The following ZNF385D variants were observed in gnomAD, a reference collection of about 807,000 sequenced individuals.
ZNF385D encodes zinc finger protein 659.
Under a neutral mutation model 35.8 loss-of-function variants are expected in ZNF385D, and 15 were observed. The observed-to-expected ratio is 0.42, with a 90% confidence interval of 0.28 to 0.64. The LOEUF is 0.64. ZNF385D is among the 30% of genes least tolerant of loss of function. The pLI is 0.23. For synonymous variants in ZNF385D, 212 were observed against 186.8 expected (o/e 1.13, Z -1.10); for missense variants, 474 against 494.6 (o/e 0.96, Z 0.39).
At chr3:22,159,730 C>G (rs1576421384) in intron 3 of ZNF385D, among the ~76,000 whole-genome samples, 2 of 152,016 alleles carry the variant, frequency 1.3e-5, no homozygotes, top group African/African-American at 2.4e-5. Context: ...ACATTTTTAT[C>G]CTTCAATGAT....
rs976827752 is a variant in ZNF385D at position 21,889,693 on chromosome 3, G to A, written c.326-224665C>T. ...GGTTTAGGGGAGAAGGATGAAGTATGTTTCTCTGATGCTACCTTGTGTATG... is the reference window on the plus strand; with the variant it reads ...GGTTTAGGGGAGAAGGATGAAGTATATTTCTCTGATGCTACCTTGTGTATG... On this transcript the variant is annotated intron_variant, in intron 3 of 5. Coordinates refer to the ZNF385D transcript ENST00000494108. Among the ~76,000 whole-genome samples, 5 of 152,276 alleles carry A rather than the reference G, an allele frequency of 3.3e-5. No homozygotes were observed. In the East Asian group the frequency reaches 9.6e-4, roughly 29 times the overall value.
chr3:21,782,894 C>T (rs1483301981), intron 3 of ZNF385D, among the ~76,000 whole-genome samples: 1 of 152,052 alleles, frequency 6.6e-6, no homozygotes, highest in Non-Finnish European at 1.5e-5. Context: ...CTGGTTATAT[C>T]ACATCCTGGA....
At chr3:22,338,601 G>C (rs993879121) in intron 2 of ZNF385D, among the ~76,000 whole-genome samples, 6 of 151,692 alleles carry the variant, frequency 4.0e-5, no homozygotes, top group Non-Finnish European at 7.4e-5. Context: ...TTCATATTTT[G>C]AGAGTTGCTT....
chr3:21,874,072 A>G (rs1697835979), intron 3 of ZNF385D, among the ~76,000 whole-genome samples: 1 of 151,792 alleles, frequency 6.6e-6, no homozygotes, highest in South Asian at 2.1e-4. Context: ...CCTCTATACT[A>G]TTTTTGACAG....
At chr3:22,224,303 T>C (rs1698431264) in intron 2 of ZNF385D, among the ~76,000 whole-genome samples, 1 of 152,202 alleles carries the variant, frequency 6.6e-6, no homozygotes, top group African/African-American at 2.4e-5. Flanking sequence ...GGAGTAGTAG[T>C]GTAATCAACA....
chr3:21,871,769 G>A (rs545482094), intron 3 of ZNF385D, among the ~76,000 whole-genome samples: 7 of 152,220 alleles, frequency 4.6e-5, no homozygotes, highest in Admixed American at 4.6e-4. Flanking sequence ...ACTTTCGGAG[G>A]CTGAGGCAGG....
intron 2 of ZNF385D, among the ~76,000 whole-genome samples, chr3:22,271,802 AGCAC>A (rs550006387): frequency 6.8e-4 from 104 of 152,064 alleles, no homozygotes; most frequent in African/African-American, 2.5e-3. Flanking sequence ...ATAAGTTCTT[AGCAC>A]TTTTCTATCT....
chr3:21,604,393 G>A (rs933649733), intron 2 of ZNF385D, among the ~76,000 whole-genome samples: 2 of 152,160 alleles, frequency 1.3e-5, no homozygotes, highest in African/African-American at 4.8e-5. Context: ...TTGGTTTTTG[G>A]TTTTTAAGCT....
rs1700517917 is a variant in ZNF385D at position 21,413,251 on chromosome 3, A to C, written c.*7963T>G. On this transcript the variant is annotated 3_prime_UTR_variant, in exon 8 of 8. Transcript: ENST00000281523. ...TAAGATTTGACGAGATGTAAAAAGC[A>C]AATTTATTTACCGAACACATGGGCC... The C allele has an allele frequency of 6.6e-6, 1 of 152,086 alleles. No homozygotes were observed. Among genetic ancestry groups the C allele is most frequent in the Non-Finnish European group, 1.5e-5 (1 of 67,982 alleles). The allele number at this position is 152,086 out of a possible 1,614,324, so 9.4% of individuals were successfully genotyped here. A position where few individuals can be genotyped will look rare whatever the true frequency, so the allele number is the denominator to read the frequency against.
chr3:21,624,671 T>G (rs2065088460), intron 2 of ZNF385D, among the ~76,000 whole-genome samples: 1 of 151,994 alleles, frequency 6.6e-6, no homozygotes, highest in Non-Finnish European at 1.5e-5. Context: ...TACTCCACCC[T>G]TTTACCCACC....
At chr3:22,178,475 A>C (rs1694987114) in intron 2 of ZNF385D, among the ~76,000 whole-genome samples, 1 of 152,002 alleles carries the variant, frequency 6.6e-6, no homozygotes, top group Non-Finnish European at 1.5e-5. Flanking sequence ...TAGATTCTGG[A>C]TATTAGCCCT....
At position 21,848,283 on chromosome 3, in the gene ZNF385D, T is replaced by G. The variant is rs1696145114; in HGVS notation, c.326-183255A>C. ...ACTTAGGTTGTTTCCACATTTTGGC[T>G]AGTCAGTAGTGCTACAGTGAACATG... On this transcript the variant is annotated intron_variant, in intron 3 of 5. Coordinates refer to the ZNF385D transcript ENST00000494108. Among the ~76,000 whole-genome samples, 3 of 152,158 alleles carry G rather than the reference T, an allele frequency of 2.0e-5. No homozygotes were observed. The South Asian group carries it at 6.2e-4, about 32-fold the overall frequency.
intron 3 of ZNF385D, among the ~76,000 whole-genome samples, chr3:21,908,154 CTA>C (rs1559743446): frequency 1.0e-3 from 153 of 150,772 alleles, no homozygotes; most frequent in South Asian, 8.6e-3. Flanking sequence ...ATCTATCTAT[CTA>C]TCTATCTATC....
chr3:21,974,752 G>A (rs1004158090), intron 3 of ZNF385D, among the ~76,000 whole-genome samples: 2 of 151,972 alleles, frequency 1.3e-5, no homozygotes, highest in Admixed American at 1.3e-4. Context: ...ATTTAAAATG[G>A]CAAAAGATCT....
At chr3:21,885,551 T>C (rs978168554) in intron 3 of ZNF385D, among the ~76,000 whole-genome samples, 1 of 152,020 alleles carries the variant, frequency 6.6e-6, no homozygotes, top group Non-Finnish European at 1.5e-5. Context: ...AGATCAGCTA[T>C]GCATACATAA....
Position 22,335,539 on chromosome 3 carries a change from T to C in ZNF385D, c.106+36911A>G, listed in dbSNP as rs937082089. Among the ~76,000 whole-genome samples, 4 of 152,126 alleles carry C rather than the reference T, an allele frequency of 2.6e-5. No individual in the cohort carries two copies. The East Asian group carries it at 7.7e-4, about 29-fold the overall frequency. On this transcript the variant is annotated intron_variant, in intron 2 of 5. Coordinates refer to the ZNF385D transcript ENST00000494108. ...TTTAACAAAAGCCTAAATCCTATAA[T>C]CAATCCTATTGAATACCCTCTTACA...
chr3:22,110,395 C>A (rs1235315288), intron 3 of ZNF385D, among the ~76,000 whole-genome samples: 1 of 151,618 alleles, frequency 6.6e-6, no homozygotes, highest in Non-Finnish European at 1.5e-5. Flanking sequence ...ACCCAAATGT[C>A]CAACAATGAT....
intron 2 of ZNF385D, among the ~76,000 whole-genome samples, chr3:22,241,025 T>C (rs1699465023): frequency 6.6e-6 from 1 of 151,250 alleles, no homozygotes; most frequent in African/African-American, 2.4e-5. Context: ...GTTATGTGAA[T>C]GTTCATTCAA....
intron 3 of ZNF385D, among the ~76,000 whole-genome samples, chr3:21,912,903 T>G (rs2125915419): frequency 6.6e-6 from 1 of 152,170 alleles, no homozygotes; most frequent in East Asian, 1.9e-4. Flanking sequence ...TTAAACTATC[T>G]TGGCTTCCAC....
Sources: allele counts gnomAD v4.1 joint callset (sites outside exome capture counted in the v4.1 genomes callset), GRCh38; gene constraint gnomAD v4.1.1; transcripts MANE v1.5; gene names NCBI Gene and HGNC (gene_info 2026-07-23, HGNC 2026-07-21).